NFIA: variants seen among roughly 807,000 people sequenced by gnomAD.
NFIA encodes the protein nuclear factor I A.
Under a neutral mutation model 62.8 loss-of-function variants are expected in NFIA, and 8 were observed. The ratio of observed to expected loss-of-function variants is 0.13; its 90% CI spans 0.07 to 0.23. The LOEUF is 0.23. Among genes scored for constraint, NFIA ranks in the 10% least tolerant of loss-of-function variants. The pLI is 1.00. For missense variants in NFIA, 410 were observed against 642.1 expected (o/e 0.64, Z 3.91); for synonymous variants, 235 against 238.1 (o/e 0.99, Z 0.12).
At chr1:61,359,893 T>C (rs1663190735) in intron 6 of NFIA, among the ~76,000 whole-genome samples, 1 of 152,100 alleles carries the variant, frequency 6.6e-6, no homozygotes, top group Non-Finnish European at 1.5e-5. Context: ...GGCCTCCCAA[T>C]TGTTTTTGTT....
intron 2 of NFIA, among the ~76,000 whole-genome samples, chr1:61,109,336 G>T (rs1392339798): frequency 6.6e-6 from 1 of 151,780 alleles, no homozygotes; most frequent in Non-Finnish European, 1.5e-5. Flanking sequence ...GATGGCAAAT[G>T]GTAGGTCCCA....
intron 2 of NFIA, among the ~76,000 whole-genome samples, chr1:61,146,377 A>G (rs1021931238): frequency 2.6e-5 from 4 of 152,142 alleles, no homozygotes; most frequent in African/African-American, 9.6e-5. Context: ...CTTGTGAGAA[A>G]TTCCAGTGTC....
chr1:61,276,658 G>A (rs892564441), intron 2 of NFIA, among the ~76,000 whole-genome samples: 5 of 152,056 alleles, frequency 3.3e-5, no homozygotes, highest in Admixed American at 6.6e-5. Context: ...CCCAAAAACT[G>A]TACCATAAAT....
intron 2 of NFIA, among the ~76,000 whole-genome samples, chr1:61,255,525 C>T (rs1656330257): frequency 6.6e-6 from 1 of 152,202 alleles, no homozygotes. Context: ...ATAAGGGAAA[C>T]AGACTAAGGA....
intron 2 of NFIA, among the ~76,000 whole-genome samples, chr1:61,115,369 C>G (rs1429999878): frequency 1.3e-5 from 2 of 152,202 alleles, no homozygotes; most frequent in Non-Finnish European, 2.9e-5. Flanking sequence ...AGCTGGGCTT[C>G]CCTTCCAGAT....
At chr1:61,367,986 A>G (rs1011659070) in intron 6 of NFIA, among the ~76,000 whole-genome samples, 10 of 152,228 alleles carry the variant, frequency 6.6e-5, no homozygotes, top group African/African-American at 2.4e-4. Flanking sequence ...AGTAGGATCA[A>G]GCGCTCAGAA....
chr1:61,199,022 C>T (rs990275155), intron 2 of NFIA, among the ~76,000 whole-genome samples: 36 of 152,268 alleles, frequency 2.4e-4, no homozygotes, highest in African/African-American at 8.7e-4. Flanking sequence ...AATTCTCTCA[C>T]CTCCCATTTT....
intron 2 of NFIA, among the ~76,000 whole-genome samples, chr1:61,209,563 C>T (rs890621984): frequency 6.6e-6 from 1 of 151,854 alleles, no homozygotes; most frequent in Non-Finnish European, 1.5e-5. Flanking sequence ...ATACCTGATA[C>T]CTGTAATCCC....
chr1:61,173,947 A>G (rs1199265694), intron 2 of NFIA, among the ~76,000 whole-genome samples: 5 of 152,328 alleles, frequency 3.3e-5, no homozygotes, highest in South Asian at 2.1e-4. Flanking sequence ...CTGGTACTCA[A>G]TATCCTCTAA....
intron 3 of NFIA, among the ~76,000 whole-genome samples, chr1:61,310,188 G>A (rs747639581): frequency 1.3e-5 from 2 of 151,910 alleles, no homozygotes; most frequent in Admixed American, 6.6e-5. Flanking sequence ...TGGGCCGATG[G>A]CCACATTTTC....
chr1:61,088,084 TGAA>T lies in NFIA; in HGVS notation c.28-61_28-59del. On this transcript the variant is annotated intron_variant, in intron 1 of 10. Transcript: ENST00000403491. This position sits in a 1 kb window ranked among gnomAD's most constrained non-coding sequence, Gnocchi z 4.5. The stretch of plus-strand genomic sequence containing the variant: ...GAATTTCTTTCTTAAGGTGACCCGC[TGAA>T]GAAAAGTTGTTTTCTTTTGTTTTCA... 6.8e-7 allele frequency: 1 copy of T among 1,473,758 alleles called. No individual in the cohort carries two copies. Among genetic ancestry groups the T allele is most frequent in the Non-Finnish European group, 9.1e-7 (1 of 1,094,610 alleles). 91.3% of individuals were successfully genotyped at this position (1,473,758 alleles called of 1,614,324 possible).
chr1:61,341,060 C>CTTTTTTTTTTTTTTTTTT, intron 4 of NFIA, among the ~76,000 whole-genome samples: 1 of 108,792 alleles, frequency 9.2e-6, no homozygotes, highest in Non-Finnish European at 1.8e-5. Context: ...TACCGGCATT[C>CTTTTTTTTTTTTTTTTTT]TTTTTTTTTT....
intron 3 of NFIA, among the ~76,000 whole-genome samples, chr1:61,323,569 CCAATGAGTGGCAGAA>C (rs1268840384): frequency 1.3e-5 from 2 of 152,106 alleles, no homozygotes; most frequent in Non-Finnish European, 2.9e-5. Flanking sequence ...TCAAATGTCA[CCAATGAGTGGCAGAA>C]CAATTTAAAT....
At chr1:61,176,803 A>G (rs182199951) in intron 2 of NFIA, among the ~76,000 whole-genome samples, 82 of 152,278 alleles carry the variant, frequency 5.4e-4, no homozygotes, top group African/African-American at 1.9e-3. Flanking sequence ...TAAAAAATTC[A>G]TTTATTCAAG....
At chr1:61,394,003 T>G (rs904973265) in intron 7 of NFIA, among the ~76,000 whole-genome samples, 7 of 152,232 alleles carry the variant, frequency 4.6e-5, no homozygotes, top group Admixed American at 4.6e-4. Flanking sequence ...TCTCTATTTA[T>G]TCTAAAAACA....
At chr1:61,349,896 G>A (rs555143548) in intron 4 of NFIA, among the ~76,000 whole-genome samples, 14 of 152,180 alleles carry the variant, frequency 9.2e-5, no homozygotes, top group Admixed American at 3.3e-4. Context: ...CGTGTGCCCA[G>A]CCAGTCAGTA....
intron 5 of NFIA, among the ~76,000 whole-genome samples, chr1:61,356,655 A>G (rs1229770254): frequency 6.6e-6 from 1 of 152,254 alleles, no homozygotes; most frequent in Non-Finnish European, 1.5e-5. Flanking sequence ...CATAAAATAT[A>G]GAAAAGTTCT....
intron 9 of NFIA, among the ~76,000 whole-genome samples, chr1:61,421,510 A>G (rs749073680): frequency 9.9e-5 from 15 of 152,198 alleles, no homozygotes; most frequent in Non-Finnish European, 1.6e-4. Flanking sequence ...TTCAAACTTC[A>G]TGTCGGTTTG....
intron 6 of NFIA, among the ~76,000 whole-genome samples, chr1:61,360,026 T>C (rs1663199111): frequency 6.6e-6 from 1 of 152,204 alleles, no homozygotes; most frequent in South Asian, 2.1e-4. Flanking sequence ...TAGTTTAGAC[T>C]CAGATTTTTA....
Sources: allele counts gnomAD v4.1 joint callset (sites outside exome capture counted in the v4.1 genomes callset), GRCh38; gene constraint gnomAD v4.1.1; non-coding constraint Gnocchi (gnomAD v3.1); transcripts MANE v1.5; gene names NCBI Gene and HGNC (gene_info 2026-07-23, HGNC 2026-07-21).